Variants in SYT16 observed in about 807,000 individuals in gnomAD.
The protein encoded by SYT16 is synaptotagmin 16.
In SYT16, 42 loss-of-function variants were observed where a neutral mutation model predicts 61.4. The ratio of observed to expected loss-of-function variants is 0.68; its 90% CI spans 0.53 to 0.89. SYT16 has a LOEUF of 0.89. Ranked by LOEUF, SYT16 falls within the 40% of genes least tolerant of loss-of-function variation. The pLI is 0.00. For synonymous variants in SYT16, 314 were observed against 302.3 expected, an observed-to-expected ratio of 1.04 and a Z score of -0.40; for missense variants, 804 against 807.3, an observed-to-expected ratio of 1.00 and a Z score of 0.05.
intron 7 of SYT16, among the ~76,000 whole-genome samples, chr14:62,090,939 G>T (rs974506842): frequency 2.6e-5 from 4 of 152,160 alleles, no homozygotes; most frequent in Non-Finnish European, 5.9e-5. Context: ...CAGATCTCAT[G>T]AGATTTATTC....
At chr14:62,080,481 A>C (rs1196959386) in intron 5 of SYT16, among the ~76,000 whole-genome samples, 1 of 152,204 alleles carries the variant, frequency 6.6e-6, no homozygotes, top group African/African-American at 2.4e-5. Context: ...GCCTATGGAC[A>C]ATTGCCTGTT....
Position 62,049,806 on chromosome 14 carries a change from C to G in SYT16, c.524-19797C>G, listed in dbSNP as rs182016736. On this transcript the variant is annotated intron_variant, in intron 3 of 7. Coordinates refer to ENST00000683842, the MANE Select transcript of SYT16 (RefSeq NM_001367656.1). The stretch of plus-strand genomic sequence containing the variant: ...AGAATGTTGAATATTGGTTCCCACT[C>G]TCTTCTGGCTTGTAGAGTTTCTGCC... 1.1e-4 allele frequency among the ~76,000 whole-genome samples: 16 copies of G among 152,336 alleles called. No individual in the cohort carries two copies. In the East Asian group the frequency reaches 2.7e-3, roughly 26 times the overall value.
rs1022565969 is a variant in SYT16, at chr14:62,105,819, A to T, written c.*5112A>T. On this transcript the variant is annotated 3_prime_UTR_variant, in exon 8 of 8. Coordinates refer to ENST00000683842, the MANE Select transcript of SYT16 (RefSeq NM_001367656.1). ...AACGAAACATGATTCTGGGATGAGA[A>T]GTGCGAGGCTACACTCCTAATATAA... 2.6e-5 allele frequency: 4 copies of T among 152,214 alleles called. No individual in the cohort carries two copies. Among genetic ancestry groups the T allele is most frequent in the Admixed American group, 1.3e-4 (2 of 15,282 alleles). 9.4% of individuals were successfully genotyped at this position (152,214 alleles called of 1,614,324 possible).
intron 3 of SYT16, among the ~76,000 whole-genome samples, chr14:62,006,901 G>A (rs2053247161): frequency 1.3e-5 from 2 of 152,096 alleles, no homozygotes; most frequent in Non-Finnish European, 2.9e-5. Flanking sequence ...TGGAATTAAT[G>A]TGTTCCAAGC....
intron 1 of SYT16, among the ~76,000 whole-genome samples, chr14:61,956,214 A>G (rs185310490): frequency 3.3e-5 from 5 of 152,104 alleles, no homozygotes; most frequent in East Asian, 1.9e-4. Context: ...TTTATCAGAT[A>G]TATGGTCTGA....
chr14:61,840,522 A>C (rs1360227332), intron 1 of SYT16, among the ~76,000 whole-genome samples: 1 of 152,232 alleles, frequency 6.6e-6, no homozygotes, highest in East Asian at 1.9e-4. Flanking sequence ...ACCCAGGAAG[A>C]GGGTGGCCGT....
intron 3 of SYT16, among the ~76,000 whole-genome samples, chr14:62,055,516 AT>A (rs1267450133): frequency 3.3e-5 from 5 of 152,164 alleles, no homozygotes; most frequent in Non-Finnish European, 7.4e-5. Context: ...GGGTTTTGTG[AT>A]CCCTGCAGTC....
intron 1 of SYT16, among the ~76,000 whole-genome samples, chr14:61,932,170 A>G (rs557763115): frequency 5.9e-5 from 9 of 152,204 alleles, no homozygotes; most frequent in African/African-American, 2.2e-4. Flanking sequence ...CCCTCTTACC[A>G]TCCCTCCAGA....
chr14:62,066,313 A>G (rs1398820128), intron 3 of SYT16, among the ~76,000 whole-genome samples: 2 of 152,208 alleles, frequency 1.3e-5, no homozygotes, highest in African/African-American at 4.8e-5. Context: ...GCTGCTTTAA[A>G]TCAGATCTTG....
chr14:62,024,651 A>G (rs2054033555), intron 3 of SYT16, among the ~76,000 whole-genome samples: 1 of 152,064 alleles, frequency 6.6e-6, no homozygotes. Context: ...CCCAAAGTCT[A>G]GAGTTTATAT....
At chr14:61,869,321 G>T (rs190527810) in intron 1 of SYT16, among the ~76,000 whole-genome samples, 1 of 151,734 alleles carries the variant, frequency 6.6e-6, no homozygotes, top group Non-Finnish European at 1.5e-5. Flanking sequence ...TTGTCTTACC[G>T]TCTTTATTCT....
chr14:61,839,815 T>G (rs764588125), intron 1 of SYT16, among the ~76,000 whole-genome samples: 3 of 151,856 alleles, frequency 2.0e-5, no homozygotes, highest in Non-Finnish European at 4.4e-5. Flanking sequence ...TGCCAGTTCC[T>G]CAGGGCTAAC....
At chr14:61,982,812 T>G (rs1192248328) in intron 2 of SYT16, among the ~76,000 whole-genome samples, 2 of 152,188 alleles carry the variant, frequency 1.3e-5, no homozygotes, top group African/African-American at 2.4e-5. Context: ...GCTTGTGTGC[T>G]TGTCTGCACA....
chr14:62,005,741 A>T (rs1283634957), intron 3 of SYT16, among the ~76,000 whole-genome samples: 1 of 152,180 alleles, frequency 6.6e-6, no homozygotes, highest in East Asian at 1.9e-4. Context: ...TCAAATATGT[A>T]TTGAACACCT....
chr14:61,890,315 G>A (rs2048074213), intron 1 of SYT16, among the ~76,000 whole-genome samples: 1 of 152,154 alleles, frequency 6.6e-6, no homozygotes, highest in African/African-American at 2.4e-5. Flanking sequence ...AGGCCCCTGG[G>A]AATTGTTGAG....
intron 1 of SYT16, among the ~76,000 whole-genome samples, chr14:61,852,505 T>G (rs969540991): frequency 3.3e-5 from 5 of 152,260 alleles, no homozygotes; most frequent in African/African-American, 1.2e-4. Flanking sequence ...TAAACTACTT[T>G]GGGCAGTATG....
chr14:61,910,450 G>A (rs2048887885), intron 1 of SYT16, among the ~76,000 whole-genome samples: 2 of 151,932 alleles, frequency 1.3e-5, no homozygotes, highest in South Asian at 4.2e-4. Flanking sequence ...TGTTGGCCAG[G>A]CTGGTCTCGA....
chr14:61,957,709 T>G (rs989412694), intron 1 of SYT16, among the ~76,000 whole-genome samples: 8 of 152,002 alleles, frequency 5.3e-5, no homozygotes, highest in African/African-American at 1.9e-4. Context: ...AGTTTGCTAG[T>G]GTTTTTGTTG....
chr14:62,085,988 G>A (rs1297848279), intron 7 of SYT16, among the ~76,000 whole-genome samples: 1 of 152,146 alleles, frequency 6.6e-6, no homozygotes, highest in Non-Finnish European at 1.5e-5. Context: ...TAGGAACAGG[G>A]TAGAGATGCA....
Sources: gnomAD v4.1 joint callset for allele counts (sites outside exome capture counted in the v4.1 genomes callset) on GRCh38, gnomAD v4.1.1 for gene constraint, MANE v1.5 for transcripts, NCBI Gene and HGNC (gene_info 2026-07-23, HGNC 2026-07-21) for gene names.